Variants in GREB1L observed in about 807,000 individuals in gnomAD.
GREB1L encodes the protein GREB1-like protein.
A neutral mutation model predicts 200.8 loss-of-function variants in GREB1L; 17 were observed. The observed-to-expected ratio is 0.08, with a 90% CI of 0.06 to 0.13. The LOEUF (loss-of-function observed/expected upper bound fraction) is 0.13. Among genes scored for constraint, GREB1L ranks in the 10% least tolerant of loss-of-function variants. GREB1L has a pLI of 1.00. For missense variants in GREB1L, 1,657 were observed against 2,367.7 expected (o/e 0.70, Z 6.23); for synonymous variants, 789 against 893.0 (o/e 0.88, Z 2.08).
chr18:21,487,739 G>A (rs1214505361), intron 18 of GREB1L, among the ~76,000 whole-genome samples: 1 of 152,038 alleles, frequency 6.6e-6, no homozygotes, highest in Non-Finnish European at 1.5e-5. Flanking sequence ...GGTGGCTCAT[G>A]CCTGTAATCC....
intron 1 of GREB1L, among the ~76,000 whole-genome samples, 167 bp downstream of exon 1, chr18:21,242,560 G>T (rs1203525984): frequency 3.3e-5 from 5 of 152,146 alleles, no homozygotes; most frequent in African/African-American, 7.2e-5. Flanking sequence ...GAAGCTCAGC[G>T]GGGGTGTGAG....
chr18:21,489,238 G>A (rs1185486096), intron 18 of GREB1L, among the ~76,000 whole-genome samples: 1 of 152,172 alleles, frequency 6.6e-6, no homozygotes, highest in Non-Finnish European at 1.5e-5. Flanking sequence ...TGGTACCAAA[G>A]GCTGCTGCTG....
chr18:21,428,332 C>CTTTTTTTTTTTTTTTTTTTTTTTTT (rs59982674), intron 7 of GREB1L, among the ~76,000 whole-genome samples: 2 of 54,024 alleles, frequency 3.7e-5, no homozygotes, highest in Non-Finnish European at 7.1e-5. Context: ...GTCTTTTTGT[C>CTTTTTTTTTTTTTTTTTTTTTTTTT]TTTTTTTTTT....
intron 7 of GREB1L, among the ~76,000 whole-genome samples, chr18:21,437,747 T>C (rs2033638686): frequency 1.3e-5 from 2 of 152,182 alleles, no homozygotes; most frequent in African/African-American, 4.8e-5. Context: ...GGACATCTTA[T>C]AGATTAAAAG....
chr18:21,334,764 C>T (rs1282985990), intron 1 of GREB1L, among the ~76,000 whole-genome samples: 1 of 141,820 alleles, frequency 7.1e-6, no homozygotes, highest in Non-Finnish European at 1.5e-5. Context: ...CAGAGTATGA[C>T]CCCATCTCAA....
chr18:21,368,056 A>G (rs182940053), intron 2 of GREB1L, among the ~76,000 whole-genome samples: 9 of 152,346 alleles, frequency 5.9e-5, no homozygotes, highest in Admixed American at 5.9e-4. Context: ...GAGAAAGCAT[A>G]TATTACAATG....
chr18:21,460,469 C>G (rs1450449510), intron 15 of GREB1L, among the ~76,000 whole-genome samples: 1 of 152,174 alleles, frequency 6.6e-6, no homozygotes, highest in Non-Finnish European at 1.5e-5. Context: ...CCTCAGTCTC[C>G]TGAGTAGCTG....
chr18:21,252,383 C>A (rs1013556627), intron 1 of GREB1L, among the ~76,000 whole-genome samples: 1 of 151,162 alleles, frequency 6.6e-6, no homozygotes, highest in African/African-American at 2.4e-5. Context: ...CATGGAGAAA[C>A]CCCGTCTCCA....
intron 23 of GREB1L, among the ~76,000 whole-genome samples, chr18:21,504,980 T>C (rs1030828493): frequency 3.9e-5 from 6 of 151,988 alleles, no homozygotes; most frequent in Non-Finnish European, 8.8e-5. Flanking sequence ...GTGGCCTGAG[T>C]GTGGGAATTT....
chr18:21,289,540 C>G (rs956222773), intron 1 of GREB1L, among the ~76,000 whole-genome samples: 1 of 151,366 alleles, frequency 6.6e-6, no homozygotes, highest in Admixed American at 6.6e-5. Flanking sequence ...GAGACCATCC[C>G]CCCCCGCAAA....
At chr18:21,282,231 G>T (rs952607490) in intron 1 of GREB1L, among the ~76,000 whole-genome samples, 4 of 152,112 alleles carry the variant, frequency 2.6e-5, no homozygotes, top group African/African-American at 9.7e-5. Context: ...CTGTGATGGA[G>T]CCACTGCATT....
At chr18:21,249,817 G>A (rs1288962475) in intron 1 of GREB1L, among the ~76,000 whole-genome samples, 3 of 151,122 alleles carry the variant, frequency 2.0e-5, no homozygotes, top group African/African-American at 7.3e-5. Context: ...CTGAGATTGC[G>A]CCATTGCACT....
intron 1 of GREB1L, among the ~76,000 whole-genome samples, chr18:21,336,173 CTG>C (rs1358232406): frequency 6.6e-6 from 1 of 152,136 alleles, no homozygotes; most frequent in Non-Finnish European, 1.5e-5. Flanking sequence ...ATAGCCAACT[CTG>C]TTCATTTGTA....
intron 1 of GREB1L, among the ~76,000 whole-genome samples, chr18:21,354,605 A>C (rs2039478338): frequency 6.6e-6 from 1 of 152,252 alleles, no homozygotes; most frequent in African/African-American, 2.4e-5. Flanking sequence ...CTTAAAAGTG[A>C]GTTAATTGTT....
At chr18:21,518,354 T>C (rs993454569) in intron 31 of GREB1L, 120 bp downstream of exon 31, 1 of 931,684 alleles carries the variant, frequency 1.1e-6, no homozygotes. Flanking sequence ...AGTCTGGTCC[T>C]TTGCCAGAAC....
intron 19 of GREB1L, 123 bp downstream of exon 19, chr18:21,490,474 T>C: frequency 1.3e-6 from 1 of 766,718 alleles, no homozygotes; most frequent in Non-Finnish European, 2.1e-6. Flanking sequence ...ATGACAATGA[T>C]AAGGCTAAAT....
At chr18:21,382,756 G>T (rs2040374589) in intron 2 of GREB1L, among the ~76,000 whole-genome samples, 1 of 151,992 alleles carries the variant, frequency 6.6e-6, no homozygotes, top group Non-Finnish European at 1.5e-5. Flanking sequence ...CAAAGTGCCG[G>T]GTTTACAGGC....
rs916032381 is a variant in GREB1L, at chr18:21,401,334, AT to A, written c.709+11del. ...CTCTTATCTGCTGGAAAGGTAGTCA[AT>A]TTCCAGGAAGAAAAGGGGAGGGAAT... On this transcript the variant is annotated intron_variant, in intron 6 of 32. Transcript: ENST00000424526. 6 of 1,544,398 alleles carry A rather than the reference AT, an allele frequency of 3.9e-6. No individual in the cohort carries two copies. In the Admixed American group the frequency reaches 8.0e-5, roughly 21 times the overall value.
At chr18:21,433,591 A>G (rs543994223) in intron 7 of GREB1L, among the ~76,000 whole-genome samples, 11 of 152,304 alleles carry the variant, frequency 7.2e-5, no homozygotes, top group Admixed American at 3.3e-4. Context: ...CTTCCAGCAG[A>G]CCTTAAATCA....
Sources: gnomAD v4.1 joint callset for allele counts (sites outside exome capture counted in the v4.1 genomes callset) on GRCh38, gnomAD v4.1.1 for gene constraint, MANE v1.5 for transcripts, NCBI Gene and HGNC (gene_info 2026-07-23, HGNC 2026-07-21) for gene names.